TNR: variants seen among roughly 807,000 people sequenced by gnomAD.
TNR encodes tenascin-R.
TNR carries 45 observed loss-of-function variants against 150.4 expected under a neutral mutation model. The observed-to-expected ratio is 0.30, with a 90% CI of 0.24 to 0.38. The LOEUF (loss-of-function observed/expected upper bound fraction) is 0.38. Ranked by LOEUF, TNR falls within the 10% of genes least tolerant of loss-of-function variation. The pLI, the probability that TNR is intolerant of heterozygous loss-of-function variation, is 1.00. For synonymous variants in TNR, 687 were observed against 678.4 expected, an observed-to-expected ratio of 1.01 and a Z score of -0.20; for missense variants, 1,544 against 1,759.1, an observed-to-expected ratio of 0.88 and a Z score of 2.19.
At position 175,597,696 on chromosome 1, in the gene TNR, GA is replaced by G. The variant is rs374264542; in HGVS notation, c.-164-69328del. 6.4e-4 allele frequency among the ~76,000 whole-genome samples: 98 copies of G among 152,282 alleles called. 1 individual carries two copies. The highest frequency in any genetic ancestry group is 2.3e-3 in the African/African-American group (97 of 41,556). The stretch of plus-strand genomic sequence containing the variant: ...AAAAACCTTGCTGAGGGGTGTATTG[GA>G]AATGTGGGGGCATGGGGGCCCTAGT... On this transcript the variant is annotated intron_variant, in intron 1 of 22. Transcript: ENST00000367674.
intron 2 of TNR, among the ~76,000 whole-genome samples, chr1:175,471,525 A>G (rs1002651851): frequency 1.3e-5 from 2 of 152,208 alleles, no homozygotes; most frequent in African/African-American, 4.8e-5. Flanking sequence ...ACATGATGGT[A>G]AATATTTGTG....
chr1:175,547,872 G>A (rs1004307012), intron 1 of TNR, among the ~76,000 whole-genome samples: 2 of 152,208 alleles, frequency 1.3e-5, no homozygotes, highest in African/African-American at 2.4e-5. Flanking sequence ...TGTAGAGAGC[G>A]TTGAATGCAA....
intron 2 of TNR, among the ~76,000 whole-genome samples, chr1:175,427,613 T>A (rs1388442048): frequency 2.0e-5 from 3 of 152,168 alleles, no homozygotes; most frequent in Non-Finnish European, 4.4e-5. Flanking sequence ...TTTATTATTT[T>A]TTATTTTTTA....
intron 6 of TNR, among the ~76,000 whole-genome samples, chr1:175,392,324 G>T (rs1409314451): frequency 2.0e-5 from 3 of 152,120 alleles, no homozygotes; most frequent in African/African-American, 7.2e-5. Context: ...GGTACCCAGG[G>T]TGCCTTATAT....
At chr1:175,482,743 C>T (rs1470360843) in intron 2 of TNR, among the ~76,000 whole-genome samples, 1 of 152,226 alleles carries the variant, frequency 6.6e-6, no homozygotes, top group Admixed American at 6.5e-5. Flanking sequence ...GACCCCTCTA[C>T]TCCCTTTGTG....
Position 175,592,233 on chromosome 1 carries a change from T to G in TNR, c.-164-63864A>C, listed in dbSNP as rs972405483. On this transcript the variant is annotated intron_variant, in intron 1 of 22. Transcript: ENST00000367674. ...TTAGCAAATAGTCCATAATAAGTGC[T>G]CAACAATTGTTAACTCGGGTGGTTA... is the stretch of plus-strand genomic sequence containing the variant. Among the ~76,000 whole-genome samples the G allele has an allele frequency of 4.6e-5, 7 of 152,238 alleles. No homozygotes were observed. In the East Asian group the frequency reaches 1.2e-3, roughly 25 times the overall value.
intron 1 of TNR, among the ~76,000 whole-genome samples, chr1:175,598,920 G>A (rs929758527): frequency 2.6e-5 from 4 of 152,224 alleles, no homozygotes; most frequent in African/African-American, 4.8e-5. Context: ...AGCTCCATGA[G>A]GGCAGAAATC....
In TNR at chr1:175,331,050, T is replaced by TTTCTTTCTTTCTTTCTTTCCTTC. The variant is rs1557867595; in HGVS notation, c.3632-816_3632-815insGAAGGAAAGAAAGAAAGAAAGAA. 1.7e-4 allele frequency among the ~76,000 whole-genome samples: 16 copies of TTTCTTTCTTTCTTTCTTTCCTTC among 95,808 alleles called. No homozygotes were observed. The East Asian group carries it at 5.0e-3, about 30-fold the overall frequency. The allele number at this position is 95,808 out of a possible 152,430, so 62.9% of individuals were successfully genotyped here. ...CTTTCTTTCTTTCTTTCTTTCTTTC[T>TTTCTTTCTTTCTTTCTTTCCTTC]TTCTTTCTTTCTTTCTTTCTTTCTT... On this transcript the variant is annotated intron_variant, in intron 20 of 22. Coordinates refer to ENST00000367674, the MANE Select transcript of TNR (RefSeq NM_003285.3).
At chr1:175,586,258 T>A (rs1458429455) in intron 1 of TNR, among the ~76,000 whole-genome samples, 1 of 152,216 alleles carries the variant, frequency 6.6e-6, no homozygotes, top group Non-Finnish European at 1.5e-5. Flanking sequence ...TATCTGGAGA[T>A]GCCAGGTGCT....
chr1:175,396,835 T>C, intron 4 of TNR, 28 bp from the exon 5 acceptor site: 1 of 1,601,102 alleles, frequency 6.2e-7, no homozygotes, highest in South Asian at 1.1e-5. Context: ...ACAGATAGCA[T>C]GAGCTCAGAG....
chr1:175,739,121 G>T (rs1244795320), intron 1 of TNR, among the ~76,000 whole-genome samples: 1 of 152,146 alleles, frequency 6.6e-6, no homozygotes, highest in Non-Finnish European at 1.5e-5. Context: ...CCCTAAAAGA[G>T]CTGGCTGGGT....
intron 1 of TNR, among the ~76,000 whole-genome samples, chr1:175,594,971 C>A (rs1662952183): frequency 6.6e-6 from 1 of 151,710 alleles, no homozygotes; most frequent in African/African-American, 2.4e-5. Flanking sequence ...TTGAGACCAG[C>A]CTGTCCAACA....
chr1:175,509,694 C>G (rs967140831), intron 2 of TNR, among the ~76,000 whole-genome samples: 2 of 152,180 alleles, frequency 1.3e-5, no homozygotes, highest in Non-Finnish European at 2.9e-5. Context: ...AATAGTAAAC[C>G]TAAAGAGTTA....
intron 1 of TNR, among the ~76,000 whole-genome samples, chr1:175,723,491 G>T (rs1667395377): frequency 6.6e-6 from 1 of 152,164 alleles, no homozygotes; most frequent in Non-Finnish European, 1.5e-5. Context: ...TGCTCTTTTG[G>T]AGCTTACAGT....
chr1:175,341,528 G>A (rs1458714114), intron 18 of TNR, among the ~76,000 whole-genome samples: 1 of 152,222 alleles, frequency 6.6e-6, no homozygotes, highest in East Asian at 1.9e-4. Flanking sequence ...AGTGGAGGCT[G>A]AATGCTGAGT....
chr1:175,713,508 A>G (rs751062769), intron 1 of TNR, among the ~76,000 whole-genome samples: 11 of 152,142 alleles, frequency 7.2e-5, no homozygotes, highest in Non-Finnish European at 1.6e-4. Context: ...CTCCTCCACA[A>G]CTCGCTACTC....
chr1:175,676,352 T>A (rs1665866138), intron 1 of TNR, among the ~76,000 whole-genome samples: 1 of 152,110 alleles, frequency 6.6e-6, no homozygotes, highest in African/African-American at 2.4e-5. Flanking sequence ...TTCCCCAGCG[T>A]GCACCTCACC....
At chr1:175,492,285 T>G (rs148303980) in intron 2 of TNR, among the ~76,000 whole-genome samples, 76 of 152,374 alleles carry the variant, frequency 5.0e-4, no homozygotes, top group African/African-American at 1.8e-3. Flanking sequence ...TCAGATTGCA[T>G]GTCTCCCTTG....
intron 2 of TNR, among the ~76,000 whole-genome samples, chr1:175,470,987 G>A (rs1479219115): frequency 6.6e-6 from 1 of 152,226 alleles, no homozygotes; most frequent in Non-Finnish European, 1.5e-5. Flanking sequence ...GCAATTGGAT[G>A]CACTAGAAAT....
Sources: gnomAD v4.1 joint callset for allele counts (sites outside exome capture counted in the v4.1 genomes callset) on GRCh38, gnomAD v4.1.1 for gene constraint, MANE v1.5 for transcripts, NCBI Gene and HGNC (gene_info 2026-07-23, HGNC 2026-07-21) for gene names.